The following RYR2 variants were observed in gnomAD, a reference collection of about 807,000 sequenced individuals.
RYR2 encodes the protein cardiac muscle ryanodine receptor-calcium release channel.
Under a neutral mutation model 601.1 loss-of-function variants are expected in RYR2, and 227 were observed. The observed-to-expected ratio is 0.38, with a 90% CI of 0.34 to 0.42. The LOEUF is 0.42. RYR2 is among the 10% of genes least tolerant of loss of function. The pLI, the probability that RYR2 is intolerant of heterozygous loss-of-function variation, is 1.00. For missense variants in RYR2, 4,646 were observed against 6,156.5 expected, an observed-to-expected ratio of 0.75 and a Z score of 8.21; for synonymous variants, 2,223 against 2,175.1, an observed-to-expected ratio of 1.02 and a Z score of -0.61.
intron 99 of RYR2, among the ~76,000 whole-genome samples, chr1:237,808,249 G>A (rs974057529): frequency 6.6e-6 from 1 of 152,002 alleles, no homozygotes; most frequent in Non-Finnish European, 1.5e-5. Flanking sequence ...GATTTCAGGG[G>A]CAATACAAAT....
intron 16 of RYR2, among the ~76,000 whole-genome samples, chr1:237,466,321 A>C (rs1255893374): frequency 6.6e-6 from 1 of 152,036 alleles, no homozygotes; most frequent in East Asian, 1.9e-4. Flanking sequence ...ATGTACCATC[A>C]AACCTGGAAA....
intron 1 of RYR2, among the ~76,000 whole-genome samples, chr1:237,267,363 A>T (rs776416593): frequency 1.3e-5 from 2 of 152,126 alleles, no homozygotes; most frequent in Non-Finnish European, 2.9e-5. Context: ...TACTAAGAAT[A>T]CAAAAAATGA....
At chr1:237,381,251 C>CAAAA (rs60493059) in intron 8 of RYR2, among the ~76,000 whole-genome samples, 996 of 44,220 alleles carry the variant, frequency 0.023, 57 homozygotes, top group Non-Finnish European at 0.035. Context: ...GACTCCGTCT[C>CAAAA]AAAAAAAAAA....
rs572644430 is a variant in RYR2, at chr1:237,376,711, T to G, written c.464-612T>G. 2.0e-5 allele frequency among the ~76,000 whole-genome samples: 3 copies of G among 152,322 alleles called. No homozygotes were observed. The East Asian group carries it at 5.8e-4, about 29-fold the overall frequency. On this transcript the variant is annotated intron_variant, in intron 7 of 104. Transcript: ENST00000366574. ...GCTAGAAGAAATTGTTTGGTTGATG[T>G]AAACCAAGATCTTTTATAATTCATT...
chr1:237,316,358 A>G (rs1164286758), intron 2 of RYR2, among the ~76,000 whole-genome samples: 1 of 152,102 alleles, frequency 6.6e-6, no homozygotes, highest in Admixed American at 6.6e-5. Context: ...GTCATTCTAC[A>G]TCTGTTATTG....
intron 1 of RYR2, among the ~76,000 whole-genome samples, chr1:237,165,447 T>C (rs1384027023): frequency 6.6e-6 from 1 of 152,232 alleles, no homozygotes; most frequent in Admixed American, 6.5e-5. Context: ...ATTTGTGAAT[T>C]ACAAATTTTT....
At chr1:237,766,124 A>G (rs1356445001) in intron 84 of RYR2, among the ~76,000 whole-genome samples, 1 of 152,172 alleles carries the variant, frequency 6.6e-6, no homozygotes, top group Non-Finnish European at 1.5e-5. Context: ...ATGAAGGAAA[A>G]TGATCAGACT....
intron 25 of RYR2, among the ~76,000 whole-genome samples, chr1:237,540,740 G>A (rs951585023): frequency 6.7e-6 from 1 of 150,204 alleles, no homozygotes; most frequent in Non-Finnish European, 1.5e-5. Context: ...AAGCATACTA[G>A]GATCATCTGA....
intron 1 of RYR2, among the ~76,000 whole-genome samples, chr1:237,208,685 TCA>T (rs1682091242): frequency 6.6e-6 from 1 of 151,972 alleles, no homozygotes; most frequent in Non-Finnish European, 1.5e-5. Flanking sequence ...ATTTATGACC[TCA>T]CAGAGTTACC....
chr1:237,280,260 G>A (rs1382705309), intron 2 of RYR2, among the ~76,000 whole-genome samples: 3 of 152,228 alleles, frequency 2.0e-5, no homozygotes, highest in African/African-American at 7.2e-5. Flanking sequence ...ATGTAAGAAA[G>A]ATTCACTTCA....
rs202040519 is a variant in RYR2, at chr1:237,493,065, C to T, written c.1939C>T (p.Arg647Cys). The T allele has an allele frequency of 2.2e-4, 353 of 1,613,520 alleles. No individual in the cohort carries two copies. Among genetic ancestry groups the T allele is most frequent in the Middle Eastern group, 3.3e-4 (2 of 6,084 alleles). ...AGGAAGAGACTTGTTATTGCAGACA[C>T]GTCTTGTGAACCATGTCAGCAGGTA... is the stretch of plus-strand genomic sequence containing the variant. ...LPGRDLLLQT[R>C]LVNHVSSMRP... is the part of the protein sequence containing the mutation. The change falls in exon 19 of 105, where the codon CGT becomes TGT. Residue 647 changes from arginine to cysteine, a missense_variant. Physicochemically the swap from Arg to Cys is radical, Grantham distance 180. Transcript: ENST00000366574.
intron 2 of RYR2, among the ~76,000 whole-genome samples, chr1:237,325,557 G>A (rs551287559): frequency 2.6e-5 from 4 of 152,032 alleles, no homozygotes; most frequent in Admixed American, 6.6e-5. Context: ...GCGTGGTGGC[G>A]GGTGCCTGTA....
chr1:237,476,213 A>G (rs1661376946), intron 17 of RYR2, among the ~76,000 whole-genome samples: 1 of 152,300 alleles, frequency 6.6e-6, no homozygotes, highest in East Asian at 1.9e-4. Context: ...TTTAAGCCAA[A>G]GAAGGAGTCT....
intron 1 of RYR2, among the ~76,000 whole-genome samples, chr1:237,163,530 G>A (rs1029661517): frequency 8.5e-5 from 13 of 152,178 alleles, no homozygotes; most frequent in East Asian, 5.8e-4. Flanking sequence ...ACATCTGGGC[G>A]TACATCTCAT....
At chr1:237,066,112 C>T (rs1663580063) in intron 1 of RYR2, among the ~76,000 whole-genome samples, 1 of 152,192 alleles carries the variant, frequency 6.6e-6, no homozygotes, top group Admixed American at 6.5e-5. Context: ...AATAGGTGAC[C>T]TTTGAGATTG....
intron 16 of RYR2, among the ~76,000 whole-genome samples, chr1:237,464,332 T>G (rs1659823127): frequency 6.6e-6 from 1 of 152,174 alleles, no homozygotes; most frequent in Non-Finnish European, 1.5e-5. Context: ...CCACAGAACA[T>G]CTCTTCACAT....
intron 82 of RYR2, among the ~76,000 whole-genome samples, chr1:237,758,057 C>A (rs1693103040): frequency 6.6e-6 from 1 of 152,238 alleles, no homozygotes; most frequent in Admixed American, 6.5e-5. Context: ...TCTCACCATG[C>A]GTTTACCAAA....
At chr1:237,131,715 C>T (rs766553304) in intron 1 of RYR2, among the ~76,000 whole-genome samples, 2 of 151,986 alleles carry the variant, frequency 1.3e-5, no homozygotes, top group Non-Finnish European at 2.9e-5. Context: ...ATGATCCCTG[C>T]TTTCAAATCT....
At chr1:237,140,041 G>T (rs1311277597) in intron 1 of RYR2, among the ~76,000 whole-genome samples, 3 of 152,170 alleles carry the variant, frequency 2.0e-5, no homozygotes, top group Non-Finnish European at 2.9e-5. Flanking sequence ...ATTTGAATGT[G>T]TATGTTTCTG....
Sources: allele counts gnomAD v4.1 joint callset (sites outside exome capture counted in the v4.1 genomes callset), GRCh38; gene constraint gnomAD v4.1.1; transcripts MANE v1.5; gene names NCBI Gene and HGNC (gene_info 2026-07-23, HGNC 2026-07-21).